Variants in ENTREP2 observed in about 807,000 individuals in gnomAD.
ENTREP2 encodes endosomal transmembrane epsin interactor 2.
chr15:29,196,824 A>G, the ENTREP2 span: 2 of 379,522 alleles, frequency 5.3e-6, no homozygotes, highest in Non-Finnish European at 9.5e-6. Flanking sequence ...AGAAAATGGC[A>G]GGTGGATTAC....
chr15:29,632,396 G>A, the ENTREP2 span, among the ~76,000 whole-genome samples: 2 of 152,106 alleles, frequency 1.3e-5, no homozygotes, highest in African/African-American at 4.8e-5. Context: ...AGAAACTCCT[G>A]GATTTTTTTC....
the ENTREP2 span, among the ~76,000 whole-genome samples, chr15:29,578,499 A>T: frequency 6.6e-6 from 1 of 152,212 alleles, no homozygotes; most frequent in African/African-American, 2.4e-5. Flanking sequence ...TAGGTTTAAA[A>T]TGTCTGTCTC....
At chr15:29,421,127 G>A in the ENTREP2 span, among the ~76,000 whole-genome samples, 26 of 152,290 alleles carry the variant, frequency 1.7e-4, no homozygotes, top group South Asian at 5.2e-3. Context: ...AATGGGAACA[G>A]AAAGATAACC....
the ENTREP2 span, among the ~76,000 whole-genome samples, chr15:29,220,810 T>C: frequency 2.6e-5 from 4 of 151,708 alleles, no homozygotes; most frequent in Non-Finnish European, 5.9e-5. Flanking sequence ...GTTGACCTTT[T>C]AGGGAAAAAA....
the ENTREP2 span, among the ~76,000 whole-genome samples, chr15:29,249,915 A>C: frequency 3.3e-5 from 5 of 152,182 alleles, no homozygotes; most frequent in South Asian, 1.0e-3. Context: ...AGAGAAAGCA[A>C]GGAAGGGAGG....
the ENTREP2 span, among the ~76,000 whole-genome samples, chr15:29,604,885 C>T: frequency 2.6e-5 from 4 of 152,118 alleles, no homozygotes; most frequent in East Asian, 1.9e-4. Context: ...ACCGGCATCA[C>T]GAGTAAGGGC....
chr15:29,342,615 G>A, the ENTREP2 span, among the ~76,000 whole-genome samples: 1 of 152,276 alleles, frequency 6.6e-6, no homozygotes, highest in East Asian at 1.9e-4. Flanking sequence ...AATGTGAAAA[G>A]GTCTGTTTCA....
the ENTREP2 span, among the ~76,000 whole-genome samples, chr15:29,289,723 G>A: frequency 0.013 from 2,001 of 152,144 alleles, 39 homozygotes; most frequent in African/African-American, 0.046. Context: ...GTGCGCACCT[G>A]TAAACCCAGC....
At chr15:29,150,238 C>T in the ENTREP2 span, among the ~76,000 whole-genome samples, 3 of 152,216 alleles carry the variant, frequency 2.0e-5, no homozygotes, top group African/African-American at 4.8e-5. Context: ...GACCCTGGAG[C>T]GCCTGGCTTG....
At chr15:29,624,262 G>A in the ENTREP2 span, among the ~76,000 whole-genome samples, 1 of 152,062 alleles carries the variant, frequency 6.6e-6, no homozygotes, top group African/African-American at 2.4e-5. Context: ...TTCTAACTTT[G>A]TGATACCAGA....
the ENTREP2 span, among the ~76,000 whole-genome samples, chr15:29,542,040 C>T: frequency 2.6e-5 from 4 of 152,138 alleles, no homozygotes; most frequent in African/African-American, 4.8e-5. Flanking sequence ...TTGAGAGTCT[C>T]GCTCTTTTGC....
the ENTREP2 span, among the ~76,000 whole-genome samples, chr15:29,336,706 G>A: frequency 6.6e-6 from 1 of 152,182 alleles, no homozygotes; most frequent in Non-Finnish European, 1.5e-5. Context: ...GCTCACGTAT[G>A]CCATCTCCTT....
chr15:29,357,788 G>A, the ENTREP2 span, among the ~76,000 whole-genome samples: 4 of 151,566 alleles, frequency 2.6e-5, no homozygotes, highest in East Asian at 1.9e-4. Context: ...GCAGTGAGCC[G>A]AGATCGTGCC....
At chr15:29,627,114 G>C in the ENTREP2 span, among the ~76,000 whole-genome samples, 153 of 152,146 alleles carry the variant, frequency 1.0e-3, no homozygotes, top group African/African-American at 3.5e-3. Flanking sequence ...ATTTCCCTCT[G>C]TGCAGTGCTT....
chr15:29,365,250 CTT>C, the ENTREP2 span, among the ~76,000 whole-genome samples: 1 of 142,004 alleles, frequency 7.0e-6, no homozygotes, highest in Admixed American at 7.1e-5. Context: ...TAGCTCATTT[CTT>C]TTTTTTTTTT....
the ENTREP2 span, among the ~76,000 whole-genome samples, chr15:29,407,494 A>G: frequency 0.012 from 1,792 of 152,224 alleles, 39 homozygotes; most frequent in African/African-American, 0.042. Flanking sequence ...AAGAGAAGAC[A>G]TGGGCTCAAG....
chr15:29,666,161 C>T, the ENTREP2 span, among the ~76,000 whole-genome samples: 1 of 150,672 alleles, frequency 6.6e-6, no homozygotes, highest in East Asian at 1.9e-4. Context: ...TGGCCTACAT[C>T]GTCTTTTGTG....
At chr15:29,323,517 T>C in the ENTREP2 span, among the ~76,000 whole-genome samples, 1 of 152,042 alleles carries the variant, frequency 6.6e-6, no homozygotes, top group Non-Finnish European at 1.5e-5. Context: ...CCAGTAAATG[T>C]TAAGTGTTTC....
the ENTREP2 span, among the ~76,000 whole-genome samples, chr15:29,255,093 T>C: frequency 3.8e-4 from 58 of 152,266 alleles, no homozygotes; most frequent in African/African-American, 1.3e-3. Flanking sequence ...TGGCTTTCTG[T>C]ATGAGAAGAT....
Sources: allele counts gnomAD v4.1 joint callset (sites outside exome capture counted in the v4.1 genomes callset), GRCh38; gene constraint gnomAD v4.1.1; transcripts MANE v1.5; gene names NCBI Gene and HGNC (gene_info 2026-07-23, HGNC 2026-07-21).